Variants in IQCE observed in about 807,000 individuals in gnomAD.
The protein encoded by IQCE is IQ domain-containing protein E.
In IQCE, 115 loss-of-function variants were observed where a neutral mutation model predicts 96.0. The observed-to-expected ratio is 1.20, with a 90% CI of 1.03 to 1.40. The LOEUF (loss-of-function observed/expected upper bound fraction) is 1.40. Ranked by LOEUF, IQCE falls within the 40% of genes most tolerant of loss-of-function variation. The pLI, the probability that IQCE is intolerant of heterozygous loss-of-function variation, is 0.00. For missense variants in IQCE, 1,041 were observed against 909.1 expected, an observed-to-expected ratio of 1.15 and a Z score of -1.87; for synonymous variants, 412 against 371.2, an observed-to-expected ratio of 1.11 and a Z score of -1.26.
rs372916609 is a variant in IQCE at position 2,607,263 on chromosome 7, G to T, written c.1969+36G>T. Reference sequence around the variant, plus strand: ...TCATTTGGATTCTGGCACCAGGGCAGCTGGTCTGCTGAGGTCTCAGCCAAA... The same window carrying T: ...TCATTTGGATTCTGGCACCAGGGCATCTGGTCTGCTGAGGTCTCAGCCAAA... On this transcript the variant is annotated intron_variant, in intron 21 of 21. Coordinates refer to ENST00000402050, the MANE Select transcript of IQCE (RefSeq NM_152558.5). 50 of 1,613,216 alleles carry T rather than the reference G, an allele frequency of 3.1e-5. 3 individuals carry two copies. The African/African-American group carries it at 3.9e-4, about 12-fold the overall frequency.
chr7:2,559,428 G>A (rs1780751166), intron 1 of IQCE: 2 of 294,048 alleles, frequency 6.8e-6, no homozygotes, highest in South Asian at 3.3e-4. Context: ...CGCTTTCGCA[G>A]AGGCCGCCGC....
chr7:2,592,576 C>T (rs977798069), intron 14 of IQCE, among the ~76,000 whole-genome samples: 12 of 152,342 alleles, frequency 7.9e-5, no homozygotes, highest in African/African-American at 2.9e-4. Flanking sequence ...GTGTGGCCAT[C>T]ACACCGCATG....
At position 2,565,107 on chromosome 7, in the gene IQCE, T is replaced by C. The variant is rs1781265871; in HGVS notation, c.37-2009T>C. On this transcript the variant is annotated intron_variant, in intron 1 of 21. Transcript: ENST00000402050. Reference sequence around the variant, plus strand: ...GTGTGCGTGTGTGTGCGTGTGTGTGTGTGAGTGCATGTGTGCATGTGTGTG... The same window carrying C: ...GTGTGCGTGTGTGTGCGTGTGTGTGCGTGAGTGCATGTGTGCATGTGTGTG... Among the ~76,000 whole-genome samples the C allele has an allele frequency of 4.8e-5, 7 of 146,926 alleles. No individual in the cohort carries two copies. In the South Asian group the frequency reaches 1.5e-3, roughly 32 times the overall value.
intron 6 of IQCE, among the ~76,000 whole-genome samples, chr7:2,575,234 A>G (rs2969046): frequency 0.73 from 110,968 of 152,180 alleles, 40,735 homozygotes; most frequent in Non-Finnish European, 0.75. Context: ...GCTGCCCTGT[A>G]GGTCAAGGGG....
At chr7:2,588,024 C>G (rs1783263178) in intron 13 of IQCE, 147 bp downstream of exon 13, 2 of 774,614 alleles carry the variant, frequency 2.6e-6, no homozygotes, top group African/African-American at 1.7e-5. Context: ...GAGACTTCTT[C>G]CAGGTCTAGA....
At chr7:2,602,384 T>A (rs1052060514) in intron 18 of IQCE, among the ~76,000 whole-genome samples, 1 of 152,194 alleles carries the variant, frequency 6.6e-6, no homozygotes, top group African/African-American at 2.4e-5. Context: ...TTTATTTTGC[T>A]GGAGTCCTGG....
In IQCE at chr7:2,607,325, AC is replaced by A. The variant is rs773183873; in HGVS notation, c.1969+99del. 5.0e-5 allele frequency: 77 copies of A among 1,538,618 alleles called. 1 individual carries two copies. In the South Asian group the frequency reaches 9.4e-4, roughly 19 times the overall value. ...TCCAGGAAGCCCGGGCTGTGTCGGG[AC>A]GGAAGGGAGGAGTGTCCCATCTGGA... On this transcript the variant is annotated intron_variant, in intron 21 of 21. Transcript: ENST00000402050.
At chr7:2,608,274 C>CACGGAGTT (rs1406073345) in intron 21 of IQCE, among the ~76,000 whole-genome samples, 1 of 152,200 alleles carries the variant, frequency 6.6e-6, no homozygotes, top group Non-Finnish European at 1.5e-5. Flanking sequence ...GACGCGGAGT[C>CACGGAGTT]ACGGAGTTGG....
At chr7:2,577,955 G>A (rs1440789903) in intron 6 of IQCE, among the ~76,000 whole-genome samples, 5 of 105,328 alleles carry the variant, frequency 4.7e-5, no homozygotes, top group African/African-American at 1.2e-4. Flanking sequence ...AGTGTCGTGT[G>A]CGTGGCTGTG....
Position 2,607,424 on chromosome 7 carries a change from C to A in IQCE, c.1969+197C>A, listed in dbSNP as rs183769559. On this transcript the variant is annotated intron_variant, in intron 21 of 21. Transcript: ENST00000402050. ...GGGCCCCGCCTTGGCCCAGCTTGTC[C>A]TTTGTGCCTGGAATTGCCGAGGTCC... The A allele has an allele frequency of 7.2e-4, 969 of 1,341,780 alleles. 5 individuals are homozygous for A. The African/African-American group carries it at 7.9e-3, about 11-fold the overall frequency. 83.1% of individuals were successfully genotyped at this position (1,341,780 alleles called of 1,614,324 possible). A position where few individuals can be genotyped will look rare whatever the true frequency, so the allele number is the denominator to read the frequency against.
chr7:2,607,023 G>C, intron 20 of IQCE, 101 bp from the exon 21 acceptor site: 1 of 1,087,456 alleles, frequency 9.2e-7, no homozygotes, highest in Non-Finnish European at 1.3e-6. Context: ...GCTTTCATTG[G>C]AATACTTGCC....
chr7:2,586,921 G>T (rs1783165930), intron 12 of IQCE, among the ~76,000 whole-genome samples: 1 of 152,226 alleles, frequency 6.6e-6, no homozygotes, highest in Non-Finnish European at 1.5e-5. Context: ...GTGTTAGGCA[G>T]AGGGTGGAGG....
chr7:2,597,009 C>G (rs1413119666), intron 16 of IQCE: 8 of 471,366 alleles, frequency 1.7e-5, no homozygotes, highest in Non-Finnish European at 3.5e-5. Flanking sequence ...ATTACACTCC[C>G]AGGTCCCTAG....
intron 8 of IQCE, chr7:2,580,090 A>G (rs1782548822): frequency 6.6e-6 from 1 of 152,084 alleles, no homozygotes; most frequent in Non-Finnish European, 1.5e-5. Flanking sequence ...ATTCATTATC[A>G]TATGGCAAAT....
rs919554797 is a variant in IQCE, at chr7:2,589,939, C to G, written c.1077C>G (p.His359Gln). Residue 359 changes from histidine to glutamine, a missense_variant, in exon 14 of 22, where the codon CAC becomes CAG. Coordinates refer to ENST00000402050, the MANE Select transcript of IQCE (RefSeq NM_152558.5). Reference sequence around the variant, plus strand: ...GTGTGATGGAGAGCTCAAAATCACACGCCGCAGAGCCAGTCAGATCACACC... The same window carrying G: ...GTGTGATGGAGAGCTCAAAATCACAGGCCGCAGAGCCAGTCAGATCACACC... Reference protein sequence around the residue: ...KLSVMESSKSHAAEPVRSHPP... With the variant: ...KLSVMESSKSQAAEPVRSHPP... 1 of 1,613,920 alleles carries G rather than the reference C, an allele frequency of 6.2e-7. No individual in the cohort carries two copies. Among genetic ancestry groups the G allele is most frequent in the Non-Finnish European group, 8.5e-7 (1 of 1,180,032 alleles).
chr7:2,594,085 C>T (rs567391732), intron 15 of IQCE, among the ~76,000 whole-genome samples: 291 of 152,202 alleles, frequency 1.9e-3, no homozygotes, highest in Non-Finnish European at 3.3e-3. Context: ...CATGGTGAAA[C>T]CCCGTCTCTA....
chr7:2,579,918 AT>A (rs1562640742), intron 8 of IQCE, among the ~76,000 whole-genome samples: 1 of 145,186 alleles, frequency 6.9e-6, no homozygotes, highest in African/African-American at 2.5e-5. Context: ...CAGGCAGCTA[AT>A]TTTTTTTTAG....
chr7:2,562,227 T>A (rs1781015030), intron 1 of IQCE, among the ~76,000 whole-genome samples: 1 of 144,720 alleles, frequency 6.9e-6, no homozygotes, highest in Non-Finnish European at 1.5e-5. Flanking sequence ...TCATTCTTGG[T>A]CTTGGGGTGT....
chr7:2,581,689 CTATT>C (rs1782671893), intron 8 of IQCE, among the ~76,000 whole-genome samples: 2 of 150,564 alleles, frequency 1.3e-5, no homozygotes, highest in Non-Finnish European at 3.0e-5. Flanking sequence ...TAAAAGTTGT[CTATT>C]TAGAAGAAAA....
Sources: allele counts gnomAD v4.1 joint callset (sites outside exome capture counted in the v4.1 genomes callset), GRCh38; gene constraint gnomAD v4.1.1; transcripts MANE v1.5; gene names NCBI Gene and HGNC (gene_info 2026-07-23, HGNC 2026-07-21).